The following FNBP1L variants were observed in gnomAD, a reference collection of about 807,000 sequenced individuals.
The protein encoded by FNBP1L is formin binding protein 1 like.
In FNBP1L, 36 loss-of-function variants were observed where a neutral mutation model predicts 91.2. The observed-to-expected ratio is 0.39, with a 90% confidence interval of 0.30 to 0.52. The LOEUF (loss-of-function observed/expected upper bound fraction) is 0.52. FNBP1L is among the 20% of genes least tolerant of loss of function. FNBP1L has a pLI of 0.66. For missense variants in FNBP1L, 571 were observed against 732.1 expected (o/e 0.78, Z 2.54); for synonymous variants, 242 against 237.0 (o/e 1.02, Z -0.19).
chr1:93,465,644 A>T (rs1165676265), intron 1 of FNBP1L, among the ~76,000 whole-genome samples: 1 of 152,222 alleles, frequency 6.6e-6, no homozygotes, highest in East Asian at 1.9e-4. Context: ...TGCTATTGTG[A>T]ATAGTGCCAC....
chr1:93,450,248 G>T (rs1475332082), intron 1 of FNBP1L, among the ~76,000 whole-genome samples: 1 of 152,020 alleles, frequency 6.6e-6, no homozygotes, highest in Non-Finnish European at 1.5e-5. Flanking sequence ...GTTACTTTCA[G>T]CATTTAAAGA....
Position 93,550,962 on chromosome 1 carries a change from C to A in FNBP1L, c.1667C>A (p.Thr556Asn). Residue 556 changes from threonine to asparagine, a missense_variant, in exon 16 of 17, where the codon ACT (threonine) becomes AAT (asparagine). By Grantham distance (65) the Thr-to-Asn change is moderately conservative. Transcript: ENST00000271234. ...TCTCATCTAGGACATAATGAAGGTA[C>A]TCTAGCAATGAAAGAAGGTGAAGTT... ...IYPFDGHNEG[T>N]LAMKEGEVLY... 1 of 1,592,530 alleles carries A rather than the reference C, an allele frequency of 6.3e-7. No individual in the cohort carries two copies. The highest frequency in any genetic ancestry group is 1.1e-5 in the South Asian group (1 of 88,034).
At chr1:93,539,376 T>C (rs1361324874) in intron 10 of FNBP1L, among the ~76,000 whole-genome samples, 3 of 151,904 alleles carry the variant, frequency 2.0e-5, no homozygotes, top group Non-Finnish European at 4.4e-5. Flanking sequence ...GATATTTTTG[T>C]ATGGAACATG....
chr1:93,533,032 A>G lies in FNBP1L; in HGVS notation c.750A>G (p.Gly250=), dbSNP rs532285266. ...CCATCATTTCAAAATGTTTGGAAGG[A>G]ATGATTCTTGCAGCAAAATCAGTTG... ...VIPIISKCLE[G]MILAAKSVDE... is the part of the protein sequence containing the mutation. The change falls in exon 8 of 17, where the codon GGA becomes GGG. Residue 250 remains glycine (G), a synonymous_variant. Transcript: ENST00000271234. 32 of 1,613,130 alleles carry G rather than the reference A, an allele frequency of 2.0e-5. No individual in the cohort carries two copies. In the South Asian group the frequency reaches 3.0e-4, roughly 15 times the overall value.
intron 10 of FNBP1L, among the ~76,000 whole-genome samples, chr1:93,536,972 C>A (rs1462269417): frequency 6.6e-6 from 1 of 151,686 alleles, no homozygotes; most frequent in Non-Finnish European, 1.5e-5. Context: ...TAAAGATAGG[C>A]ATTTTAAATA....
chr1:93,473,966 G>A (rs1669398930), intron 1 of FNBP1L, among the ~76,000 whole-genome samples: 1 of 152,140 alleles, frequency 6.6e-6, no homozygotes, highest in Non-Finnish European at 1.5e-5. Flanking sequence ...CAGAGTGGTG[G>A]AGGAATAAAA....
At chr1:93,476,781 GAAAC>G (rs1038186297) in intron 1 of FNBP1L, among the ~76,000 whole-genome samples, 29 of 151,994 alleles carry the variant, frequency 1.9e-4, no homozygotes, top group African/African-American at 6.3e-4. Flanking sequence ...AATGAAAAAT[GAAAC>G]AAACAAAAAA....
intron 2 of FNBP1L, among the ~76,000 whole-genome samples, chr1:93,509,481 A>T (rs375131426): frequency 6.6e-6 from 1 of 152,252 alleles, no homozygotes; most frequent in South Asian, 2.1e-4. Context: ...GATGAACAGA[A>T]ATGCATTTCC....
chr1:93,552,061 T>C (rs1672431828), intron 16 of FNBP1L: 1 of 1,050,890 alleles, frequency 9.5e-7, no homozygotes, highest in South Asian at 4.5e-5. Flanking sequence ...AAGATATGTG[T>C]ACCGCCTTTA....
intron 1 of FNBP1L, among the ~76,000 whole-genome samples, chr1:93,471,556 G>T (rs1389816445): frequency 6.6e-6 from 1 of 152,130 alleles, no homozygotes; most frequent in Non-Finnish European, 1.5e-5. Context: ...GCTGGGCGTG[G>T]TGGTGTGTGC....
At position 93,544,166 on chromosome 1, in the gene FNBP1L, G is replaced by A. The variant is rs1286515522; in HGVS notation, c.1224G>A (p.Gln408=). The A allele has an allele frequency of 1.2e-6, 2 of 1,612,192 alleles. No individual in the cohort carries two copies. The highest frequency in any genetic ancestry group is 2.2e-5 in the East Asian group (1 of 44,726). Reference sequence around the variant, plus strand: ...CAGAACAGAGACGTAAAAAACTACAGCAGCGCATTGATGAACTTAACAGAG... The same window carrying A: ...CAGAACAGAGACGTAAAAAACTACAACAGCGCATTGATGAACTTAACAGAG... The part of the protein sequence containing the change: ...LPPEQRRKKL[Q]QRIDELNREL... Residue 408 remains glutamine, a synonymous_variant, in exon 12 of 17, where the codon CAG becomes CAA. Transcript: ENST00000271234.
At chr1:93,520,189 T>C (rs1279025874) in intron 2 of FNBP1L, among the ~76,000 whole-genome samples, 2 of 152,346 alleles carry the variant, frequency 1.3e-5, no homozygotes, top group South Asian at 2.1e-4. Flanking sequence ...TCCTCTTTTA[T>C]TTATGATGCT....
intron 1 of FNBP1L, among the ~76,000 whole-genome samples, chr1:93,494,485 G>T (rs1670199793): frequency 6.6e-6 from 1 of 152,166 alleles, no homozygotes; most frequent in Non-Finnish European, 1.5e-5. Flanking sequence ...GTTTGGGGGT[G>T]GGGAGAACTG....
At chr1:93,509,951 G>A (rs1258505908) in intron 2 of FNBP1L, among the ~76,000 whole-genome samples, 4 of 152,224 alleles carry the variant, frequency 2.6e-5, no homozygotes, top group Admixed American at 2.0e-4. Context: ...CACATGGCTC[G>A]GAGGGTCCTA....
intron 9 of FNBP1L, among the ~76,000 whole-genome samples, chr1:93,535,159 T>A (rs182265334): frequency 9.9e-5 from 15 of 152,244 alleles, no homozygotes; most frequent in Non-Finnish European, 1.5e-4. Flanking sequence ...AGTTATATGC[T>A]TTTGAAGTTT....
At chr1:93,506,102 A>G (rs1217638371) in intron 2 of FNBP1L, among the ~76,000 whole-genome samples, 6 of 152,246 alleles carry the variant, frequency 3.9e-5, no homozygotes, top group Admixed American at 3.9e-4. Flanking sequence ...AAATTTATTT[A>G]CAATATAAAT....
intron 1 of FNBP1L, among the ~76,000 whole-genome samples, chr1:93,464,498 T>C (rs2101691037): frequency 6.6e-6 from 1 of 152,316 alleles, no homozygotes; most frequent in Non-Finnish European, 1.5e-5. Context: ...ACATTCATTA[T>C]TTATATTTCT....
intron 2 of FNBP1L, among the ~76,000 whole-genome samples, chr1:93,520,430 A>T (rs994465911): frequency 6.6e-6 from 1 of 152,194 alleles, no homozygotes; most frequent in Admixed American, 6.5e-5. Context: ...TTGTGTACTG[A>T]TGCTTTTGTA....
intron 2 of FNBP1L, among the ~76,000 whole-genome samples, chr1:93,509,726 G>T (rs924887438): frequency 7.9e-5 from 12 of 152,344 alleles, no homozygotes; most frequent in Admixed American, 5.2e-4. Flanking sequence ...GGGAGTGCCA[G>T]ACAGTGGGCG....
Sources: gnomAD v4.1 joint callset for allele counts (sites outside exome capture counted in the v4.1 genomes callset) on GRCh38, gnomAD v4.1.1 for gene constraint, MANE v1.5 for transcripts, NCBI Gene and HGNC (gene_info 2026-07-23, HGNC 2026-07-21) for gene names.